VSTM2L: variants seen among roughly 807,000 people sequenced by gnomAD.
VSTM2L encodes the protein V-set and transmembrane domain containing 2 like.
VSTM2L carries 9 observed loss-of-function variants against 19.9 expected under a neutral mutation model. The ratio of observed to expected loss-of-function variants is 0.45; its 90% CI spans 0.27 to 0.79. The LOEUF (loss-of-function observed/expected upper bound fraction) is 0.79, where lower values mean the gene tolerates loss of function less well. Among genes scored for constraint, VSTM2L ranks in the 30% least tolerant of loss-of-function variants. The pLI is 0.15. For synonymous variants in VSTM2L, 127 were observed against 133.8 expected (o/e 0.95, Z 0.35); for missense variants, 286 against 295.5 (o/e 0.97, Z 0.24).
chr20:37,943,427 A>ATTT (rs35126131), intron 3 of VSTM2L, among the ~76,000 whole-genome samples: 62 of 126,970 alleles, frequency 4.9e-4, no homozygotes, highest in African/African-American at 1.8e-3. Context: ...AGGCGCCTCT[A>ATTT]TTTTTTTTTT....
intron 2 of VSTM2L, among the ~76,000 whole-genome samples, chr20:37,933,292 C>T (rs975259234): frequency 7.2e-5 from 11 of 152,350 alleles, no homozygotes; most frequent in African/African-American, 2.6e-4. Context: ...TATCTAAATG[C>T]ACAAATGTGG....
At chr20:37,915,139 T>C (rs1376073505) in intron 1 of VSTM2L, among the ~76,000 whole-genome samples, 1 of 152,086 alleles carries the variant, frequency 6.6e-6, no homozygotes. Flanking sequence ...GCTTCACTAA[T>C]GGTCTCCCGG....
intron 1 of VSTM2L, 58 bp from the exon 2 acceptor site, chr20:37,931,577 A>T (rs1568840921): frequency 1.3e-6 from 2 of 1,536,720 alleles, no homozygotes; most frequent in Non-Finnish European, 1.8e-6. Context: ...CACCTCCTTC[A>T]CCCACTAGCC....
At chr20:37,936,661 C>A (rs1311879586) in intron 3 of VSTM2L, among the ~76,000 whole-genome samples, 1 of 152,132 alleles carries the variant, frequency 6.6e-6, no homozygotes, top group Non-Finnish European at 1.5e-5. Context: ...GACTGCCAGG[C>A]GGGGACCGTG....
chr20:37,908,207 G>A (rs1000932919), intron 1 of VSTM2L, among the ~76,000 whole-genome samples: 11 of 152,192 alleles, frequency 7.2e-5, no homozygotes, highest in East Asian at 1.9e-4. Context: ...AAGAGAAGCC[G>A]CAGGCGGCCA....
At chr20:37,933,473 C>CA in intron 2 of VSTM2L, 66 bp from the exon 3 acceptor site, 1 of 1,268,754 alleles carries the variant, frequency 7.9e-7, no homozygotes, top group Admixed American at 1.9e-5. Context: ...CCCACACTGC[C>CA]ACCCCACCCC....
intron 1 of VSTM2L, among the ~76,000 whole-genome samples, chr20:37,927,714 G>A (rs962455662): frequency 2.6e-5 from 4 of 152,182 alleles, no homozygotes; most frequent in Admixed American, 6.5e-5. Flanking sequence ...GGGCGGGGGG[G>A]CCGTGGGCAG....
chr20:37,923,815 T>G (rs2072865407), intron 1 of VSTM2L, among the ~76,000 whole-genome samples: 1 of 152,156 alleles, frequency 6.6e-6, no homozygotes, highest in Non-Finnish European at 1.5e-5. Context: ...GTTTCACCAT[T>G]TACTCAGTCT....
At position 37,944,318 on chromosome 20, in the gene VSTM2L, C is replaced by A; in HGVS notation, c.*65C>A. ...ACAGAGTGCATGAGGAGCCGCCGGA[C>A]CACCGGGGACCGACTGCCTGCGTCC... is the stretch of plus-strand genomic sequence containing the variant. On this transcript the variant is annotated 3_prime_UTR_variant, in exon 4 of 4. Coordinates refer to ENST00000373461, the MANE Select transcript of VSTM2L (RefSeq NM_080607.3). The A allele has an allele frequency of 7.4e-7, 1 of 1,353,460 alleles. No individual in the cohort carries two copies. Among genetic ancestry groups the A allele is most frequent in the East Asian group, 2.7e-5 (1 of 36,516 alleles). The allele number at this position is 1,353,460 out of a possible 1,614,324, so 83.8% of individuals were successfully genotyped here.
At chr20:37,916,030 T>C (rs541753432) in intron 1 of VSTM2L, among the ~76,000 whole-genome samples, 1 of 152,244 alleles carries the variant, frequency 6.6e-6, no homozygotes, top group East Asian at 1.9e-4. Context: ...CTGGAGCAAA[T>C]CCATCCCTGT....
At chr20:37,907,274 T>G (rs146265886) in intron 1 of VSTM2L, among the ~76,000 whole-genome samples, 1,867 of 152,224 alleles carry the variant, frequency 0.012, 39 homozygotes, top group African/African-American at 0.041. Flanking sequence ...CCTCAGCTAA[T>G]TTTTAAATTT....
At chr20:37,934,962 G>A (rs2072931219) in intron 3 of VSTM2L, among the ~76,000 whole-genome samples, 1 of 152,108 alleles carries the variant, frequency 6.6e-6, no homozygotes, top group Non-Finnish European at 1.5e-5. Flanking sequence ...CATCCATATC[G>A]AACACCCCGT....
intron 1 of VSTM2L, among the ~76,000 whole-genome samples, chr20:37,910,303 G>T (rs546433904): frequency 6.6e-6 from 1 of 152,218 alleles, no homozygotes; most frequent in African/African-American, 2.4e-5. Context: ...CAGGCGGTGC[G>T]TGGGCATGTC....
At chr20:37,909,594 AG>A (rs1455964690) in intron 1 of VSTM2L, among the ~76,000 whole-genome samples, 1 of 152,318 alleles carries the variant, frequency 6.6e-6, no homozygotes, top group East Asian at 1.9e-4. Context: ...CTATGTTTAT[AG>A]GGGGAAAAAA....
At chr20:37,911,523 G>T (rs2072779589) in intron 1 of VSTM2L, among the ~76,000 whole-genome samples, 1 of 152,250 alleles carries the variant, frequency 6.6e-6, no homozygotes, top group South Asian at 2.1e-4. Flanking sequence ...CAAGGGCCCA[G>T]GTGGGTGGAG....
chr20:37,938,426 C>G (rs1373697600), intron 3 of VSTM2L, among the ~76,000 whole-genome samples: 1 of 152,192 alleles, frequency 6.6e-6, no homozygotes, highest in Non-Finnish European at 1.5e-5. Context: ...CATCTGACCC[C>G]TATTCCTCAC....
chr20:37,923,101 A>G (rs1324183970), intron 1 of VSTM2L, among the ~76,000 whole-genome samples: 1 of 152,122 alleles, frequency 6.6e-6, no homozygotes, highest in African/African-American at 2.4e-5. Context: ...CAGCCCTCTC[A>G]TTCTCCCCTT....
intron 2 of VSTM2L, among the ~76,000 whole-genome samples, chr20:37,932,953 G>A (rs1462034172): frequency 2.6e-5 from 4 of 152,192 alleles, no homozygotes; most frequent in Non-Finnish European, 5.9e-5. Context: ...ATCAAACTTT[G>A]TCTTGCTCCT....
chr20:37,935,686 G>T (rs1053841261), intron 3 of VSTM2L, among the ~76,000 whole-genome samples: 1 of 152,110 alleles, frequency 6.6e-6, no homozygotes, highest in Non-Finnish European at 1.5e-5. Context: ...TTATCCGCTT[G>T]TGTGAGTTTT....
Sources: gnomAD v4.1 joint callset for allele counts (sites outside exome capture counted in the v4.1 genomes callset) on GRCh38, gnomAD v4.1.1 for gene constraint, MANE v1.5 for transcripts, NCBI Gene and HGNC (gene_info 2026-07-23, HGNC 2026-07-21) for gene names.